The following AMY2B variants were observed in gnomAD, a reference collection of about 807,000 sequenced individuals.
The protein encoded by AMY2B is alpha-amylase 2B.
AMY2B carries 63 observed loss-of-function variants against 59.3 expected under a neutral mutation model. That is an observed-to-expected ratio of 1.06 (90% CI 0.87 to 1.31). The LOEUF is 1.31. AMY2B is among the 50% of genes most tolerant of loss of function. The pLI is 0.00. For synonymous variants in AMY2B, 180 were observed against 198.1 expected (o/e 0.91, Z 0.77); for missense variants, 635 against 626.7 (o/e 1.01, Z -0.14).
chr1:103,574,454 G>C, intron 5 of AMY2B, 61 bp downstream of exon 5: 1 of 1,605,518 alleles, frequency 6.2e-7, no homozygotes, highest in Non-Finnish European at 8.5e-7. Context: ...TAGTACCCCA[G>C]TGTGAGTTAT....
At chr1:103,578,201 T>C (rs557645765) in intron 9 of AMY2B, among the ~76,000 whole-genome samples, 1 of 152,230 alleles carries the variant, frequency 6.6e-6, no homozygotes, top group Non-Finnish European at 1.5e-5. Context: ...ATTCCTGTTT[T>C]TTTAATCATG....
upstream of AMY2B, chr1:103,570,079 C>A: frequency 4.6e-6 from 2 of 434,954 alleles, no homozygotes; most frequent in South Asian, 1.9e-5. Context: ...CACCATTCTG[C>A]ATCTGGACCT....
chr1:103,570,485 G>A (rs1449370432), upstream of AMY2B: 2 of 670,902 alleles, frequency 3.0e-6, no homozygotes, highest in Admixed American at 3.6e-5. Context: ...CCGACAGGAT[G>A]CAGAAGGAGA....
chr1:103,579,301 T>C lies in AMY2B; in HGVS notation c.1347-10T>C, dbSNP rs751292557. The C allele has an allele frequency of 2.1e-5, 34 of 1,611,588 alleles. No homozygotes were observed. The highest frequency in any genetic ancestry group is 2.2e-4 in the Middle Eastern group (1 of 4,448). ...TGTATTGAAGTTAAATCTGAAATTTTATTTTACAGGACATTTTCTTTAACT... is the reference window on the plus strand; with the variant it reads ...TGTATTGAAGTTAAATCTGAAATTTCATTTTACAGGACATTTTCTTTAACT... On this transcript the variant is annotated splice_polypyrimidine_tract_variant and intron_variant, in intron 9 of 9. Coordinates refer to ENST00000684275, the MANE Select transcript of AMY2B (RefSeq NM_001387437.1).
At chr1:103,576,365 A>C (rs1652353922) in intron 7 of AMY2B, among the ~76,000 whole-genome samples, 4 of 152,152 alleles carry the variant, frequency 2.6e-5, no homozygotes. Context: ...TTTAATATTT[A>C]GGTGTACTTT....
At chr1:103,574,467 T>G in intron 5 of AMY2B, 74 bp downstream of exon 5, 1 of 1,602,220 alleles carries the variant, frequency 6.2e-7, no homozygotes, top group Non-Finnish European at 8.5e-7. Flanking sequence ...TGAGTTATCT[T>G]CTGGAACATT....
chr1:103,569,634 C>T (rs1652041940), upstream of AMY2B: 3 of 401,462 alleles, frequency 7.5e-6, no homozygotes, highest in South Asian at 6.0e-5. Flanking sequence ...CGACAACCCC[C>T]AGCCATGTTT....
Position 103,574,285 on chromosome 1 carries a change from T to C in AMY2B, c.770T>C (p.Ile257Thr), listed in dbSNP as rs370085323. Residue 257 changes from isoleucine to threonine, a missense_variant, in exon 5 of 10, where the codon ATT becomes ACT. Transcript: ENST00000684275. ...QEVIDLGGEP[I>T]KSSDYFGNGR... ...GTAATTGATCTGGGTGGTGAGCCAA[T>C]TAAAAGCAGTGACTACTTTGGAAAT... 2.5e-6 allele frequency: 4 copies of C among 1,611,700 alleles called. No homozygotes were observed. Among genetic ancestry groups the C allele is most frequent in the Non-Finnish European group, 3.4e-6 (4 of 1,179,730 alleles).
intron 1 of AMY2B, among the ~76,000 whole-genome samples, chr1:103,559,003 A>T (rs564511044): frequency 6.6e-6 from 1 of 152,292 alleles, no homozygotes; most frequent in Admixed American, 6.5e-5. Context: ...ATCTGAGATG[A>T]TGTAAAAGTT....
intron 1 of AMY2B, among the ~76,000 whole-genome samples, chr1:103,557,150 G>A (rs77004565): frequency 0.035 from 5,121 of 148,150 alleles, 294 homozygotes; most frequent in African/African-American, 0.12. Flanking sequence ...GTGCGCGCGC[G>A]CACACACACA....
upstream of AMY2B, chr1:103,571,073 G>A: frequency 1.4e-6 from 1 of 692,156 alleles, no homozygotes; most frequent in Non-Finnish European, 1.9e-6. Context: ...GCTGGTAAGG[G>A]CTCCTTAACC....
At chr1:103,557,494 A>G (rs1557764412) in intron 1 of AMY2B, among the ~76,000 whole-genome samples, 1 of 152,006 alleles carries the variant, frequency 6.6e-6, no homozygotes, top group African/African-American at 2.4e-5. Flanking sequence ...TCTACTAAAA[A>G]TACAAAAAAA....
At chr1:103,562,423 G>A (rs1651761887) in intron 1 of AMY2B, among the ~76,000 whole-genome samples, 1 of 152,096 alleles carries the variant, frequency 6.6e-6, no homozygotes, top group African/African-American at 2.4e-5. Context: ...AAGAAAAACA[G>A]AAAACTGTTG....
chr1:103,569,850 A>G, upstream of AMY2B: 1 of 457,702 alleles, frequency 2.2e-6, no homozygotes, highest in Admixed American at 2.6e-5. Context: ...GCCTTGGAGG[A>G]GCACCTGGTG....
chr1:103,571,105 CTGTCAGGGTTGGAAAGT>C, upstream of AMY2B: 1 of 954,394 alleles, frequency 1.0e-6, no homozygotes, highest in Non-Finnish European at 1.3e-6. Flanking sequence ...TCCTGTCGGT[CTGTCAGGGTTGGAAAGT>C]CCAAGCCATA....
intron 1 of AMY2B, 25 bp from the exon 2 acceptor site, chr1:103,572,085 G>T: frequency 6.2e-7 from 1 of 1,611,440 alleles, no homozygotes; most frequent in Non-Finnish European, 8.5e-7. Context: ...GAATTTGGTA[G>T]TTATGAAGAC....
intron 5 of AMY2B, among the ~76,000 whole-genome samples, 194 bp downstream of exon 5, chr1:103,574,587 C>A (rs1652270532): frequency 6.6e-6 from 1 of 151,956 alleles, no homozygotes; most frequent in Non-Finnish European, 1.5e-5. Flanking sequence ...AGTGAGTATG[C>A]CTAGGAACGC....
intron 1 of AMY2B, among the ~76,000 whole-genome samples, chr1:103,564,148 C>G (rs1256856273): frequency 6.6e-6 from 1 of 152,100 alleles, no homozygotes; most frequent in South Asian, 2.1e-4. Flanking sequence ...TTGCATTATT[C>G]GTTTAATCAC....
At chr1:103,559,027 A>C (rs1023774054) in intron 1 of AMY2B, among the ~76,000 whole-genome samples, 4 of 152,222 alleles carry the variant, frequency 2.6e-5, no homozygotes. Flanking sequence ...TGCAAATACT[A>C]CATTGTATAT....
Sources: gnomAD v4.1 joint callset for allele counts (sites outside exome capture counted in the v4.1 genomes callset) on GRCh38, gnomAD v4.1.1 for gene constraint, MANE v1.5 for transcripts, NCBI Gene and HGNC (gene_info 2026-07-23, HGNC 2026-07-21) for gene names.